The following SDK1 variants were observed in gnomAD, a reference collection of about 807,000 sequenced individuals.
The protein encoded by SDK1 is sidekick cell adhesion molecule 1.
A neutral mutation model predicts 245.5 loss-of-function variants in SDK1; 157 were observed. The observed-to-expected ratio is 0.64, with a 90% CI of 0.56 to 0.73. The LOEUF (loss-of-function observed/expected upper bound fraction) is 0.73. Ranked by LOEUF, SDK1 falls within the 30% of genes least tolerant of loss-of-function variation. SDK1 has a pLI of 0.00. For synonymous variants in SDK1, 1,647 were observed against 1,278.5 expected (o/e 1.29, Z -6.15); for missense variants, 3,583 against 3,002.3 (o/e 1.19, Z -4.52).
intron 4 of SDK1, among the ~76,000 whole-genome samples, chr7:3,649,382 A>T (rs1782939918): frequency 6.6e-6 from 1 of 152,038 alleles, no homozygotes; most frequent in African/African-American, 2.4e-5. Context: ...TTGCCATCCC[A>T]ATCAAGAGAG....
At chr7:3,660,709 C>G (rs570625500) in intron 4 of SDK1, among the ~76,000 whole-genome samples, 1 of 152,300 alleles carries the variant, frequency 6.6e-6, no homozygotes, top group Admixed American at 6.5e-5. Flanking sequence ...ATGCTTCACC[C>G]AGGATGATTT....
Position 3,709,809 on chromosome 7 carries a change from A to G in SDK1, c.713+67704A>G, listed in dbSNP as rs770138081. On this transcript the variant is annotated intron_variant, in intron 4 of 44. Transcript: ENST00000404826. The stretch of plus-strand genomic sequence containing the variant: ...AACCAAACTTCTAATATCAAAGGGA[A>G]CTTGGCCCACCAAAGGGTAGAAGCT... Among the ~76,000 whole-genome samples the G allele has an allele frequency of 2.7e-4, 41 of 152,306 alleles. 1 individual carries two copies. The highest frequency in any genetic ancestry group is 5.0e-4 in the Non-Finnish European group (34 of 68,024).
intron 4 of SDK1, among the ~76,000 whole-genome samples, chr7:3,665,652 A>G (rs1266100204): frequency 2.0e-5 from 3 of 152,250 alleles, no homozygotes; most frequent in Non-Finnish European, 2.9e-5. Flanking sequence ...GCAAGAGGCA[A>G]CTAGAAGTAG....
At chr7:3,388,442 C>T (rs995990847) in intron 1 of SDK1, among the ~76,000 whole-genome samples, 2 of 151,612 alleles carry the variant, frequency 1.3e-5, no homozygotes, top group Non-Finnish European at 2.9e-5. Flanking sequence ...ATTTTGTTGC[C>T]CAGACTTGAG....
intron 14 of SDK1, among the ~76,000 whole-genome samples, chr7:3,991,367 C>A (rs1397592488): frequency 4.9e-4 from 74 of 152,148 alleles, no homozygotes; most frequent in Non-Finnish European, 1.5e-5. Context: ...CCCATTACGC[C>A]CAGGCAGAAA....
chr7:3,990,398 T>A (rs1784206587), intron 14 of SDK1, among the ~76,000 whole-genome samples: 1 of 152,238 alleles, frequency 6.6e-6, no homozygotes, highest in African/African-American at 2.4e-5. Context: ...AACCAGCGTG[T>A]GTGCAGACGG....
At chr7:3,750,511 G>C (rs1562415985) in intron 4 of SDK1, among the ~76,000 whole-genome samples, 1 of 152,188 alleles carries the variant, frequency 6.6e-6, no homozygotes, top group African/African-American at 2.4e-5. Context: ...TTTTGCAGTG[G>C]GCGAGAGAGA....
At chr7:3,349,979 TTGA>T (rs1780614858) in intron 1 of SDK1, among the ~76,000 whole-genome samples, 1 of 152,176 alleles carries the variant, frequency 6.6e-6, no homozygotes, top group South Asian at 2.1e-4. Flanking sequence ...TGCTGGACTC[TTGA>T]TGAAGTAGCA....
chr7:4,043,414 A>G (rs1788788009), intron 17 of SDK1, among the ~76,000 whole-genome samples: 1 of 151,770 alleles, frequency 6.6e-6, no homozygotes, highest in African/African-American at 2.4e-5. Flanking sequence ...TGTCACAGCC[A>G]GGGGCTCAGG....
chr7:4,013,857 G>T (rs980233415), intron 16 of SDK1, among the ~76,000 whole-genome samples: 19 of 152,230 alleles, frequency 1.2e-4, no homozygotes, highest in South Asian at 4.1e-4. Flanking sequence ...CAAAGAAGGG[G>T]GAAGAGGAGC....
intron 14 of SDK1, among the ~76,000 whole-genome samples, chr7:4,005,203 G>A (rs998855554): frequency 1.4e-4 from 21 of 151,466 alleles, no homozygotes; most frequent in Non-Finnish European, 2.8e-4. Context: ...ATGACACCAC[G>A]CCTGGCTAAT....
intron 1 of SDK1, among the ~76,000 whole-genome samples, chr7:3,539,134 CCT>C (rs1478078133): frequency 6.6e-6 from 1 of 152,164 alleles, no homozygotes; most frequent in Non-Finnish European, 1.5e-5. Flanking sequence ...CCTCATGCCA[CCT>C]GTTTGCCAGG....
intron 1 of SDK1, among the ~76,000 whole-genome samples, chr7:3,595,173 C>T (rs1341138890): frequency 6.6e-6 from 1 of 151,450 alleles, no homozygotes; most frequent in Non-Finnish European, 1.5e-5. Context: ...TGAGCTTTTT[C>T]AGCTAGCTAA....
intron 1 of SDK1, among the ~76,000 whole-genome samples, chr7:3,571,233 A>G (rs1040837794): frequency 2.6e-5 from 4 of 152,090 alleles, no homozygotes; most frequent in African/African-American, 9.7e-5. Context: ...TTACCAATCT[A>G]TAAAATCTTG....
At chr7:3,994,059 C>T (rs969041544) in intron 14 of SDK1, among the ~76,000 whole-genome samples, 3 of 152,104 alleles carry the variant, frequency 2.0e-5, no homozygotes, top group African/African-American at 7.2e-5. Context: ...CTCTATTTCC[C>T]CTCCTGCCCC....
At chr7:3,773,558 T>C (rs1196744957) in intron 4 of SDK1, among the ~76,000 whole-genome samples, 3 of 152,220 alleles carry the variant, frequency 2.0e-5, no homozygotes, top group Non-Finnish European at 4.4e-5. Context: ...ACTGTTGTTT[T>C]ATTTTTTTTC....
intron 5 of SDK1, among the ~76,000 whole-genome samples, chr7:3,849,858 A>T (rs1780375355): frequency 6.6e-6 from 1 of 152,230 alleles, no homozygotes; most frequent in African/African-American, 2.4e-5. Flanking sequence ...AGAGTTTGTG[A>T]TAGAAGAGTT....
intron 4 of SDK1, among the ~76,000 whole-genome samples, chr7:3,652,952 A>G (rs1326008513): frequency 6.6e-6 from 1 of 152,196 alleles, no homozygotes; most frequent in African/African-American, 2.4e-5. Context: ...TATTGACTGG[A>G]AGAATAATTG....
intron 8 of SDK1, among the ~76,000 whole-genome samples, chr7:3,962,205 C>T (rs1231786051): frequency 6.6e-6 from 1 of 152,204 alleles, no homozygotes. Context: ...TGTATTCTGC[C>T]CAAGGTGACA....
Sources: allele counts gnomAD v4.1 joint callset (sites outside exome capture counted in the v4.1 genomes callset), GRCh38; gene constraint gnomAD v4.1.1; transcripts MANE v1.5; gene names NCBI Gene and HGNC (gene_info 2026-07-23, HGNC 2026-07-21).